PHLPP1: variants seen among roughly 807,000 people sequenced by gnomAD.
PHLPP1 encodes the protein PH domain and leucine rich repeat protein phosphatase 1, also known as PH domain leucine-rich repeat-containing protein phosphatase 1.
PHLPP1 carries 42 observed loss-of-function variants against 117.2 expected under a neutral mutation model. The ratio of observed to expected loss-of-function variants is 0.36; its 90% CI spans 0.28 to 0.46. The LOEUF is 0.46. Ranked by LOEUF, PHLPP1 falls within the 20% of genes least tolerant of loss-of-function variation. The probability of loss-of-function intolerance (pLI) is 1.00; values close to 1 mark genes in which losing one functional copy is unlikely to be tolerated. For missense variants in PHLPP1, 2,084 were observed against 2,241.9 expected (o/e 0.93, Z 1.42); for synonymous variants, 1,042 against 970.7 (o/e 1.07, Z -1.37).
intron 3 of PHLPP1, among the ~76,000 whole-genome samples, chr18:62,848,304 C>G (rs559144545): frequency 3.0e-4 from 45 of 152,118 alleles, no homozygotes; most frequent in African/African-American, 1.0e-3. Context: ...TTTACTGTAT[C>G]AAATTGATGC....
intron 1 of PHLPP1, among the ~76,000 whole-genome samples, chr18:62,779,224 G>A (rs942366261): frequency 2.0e-5 from 3 of 151,892 alleles, no homozygotes; most frequent in Non-Finnish European, 4.4e-5. Flanking sequence ...TTGTGGTCCC[G>A]TCTGTTGGTA....
At chr18:62,785,537 A>G (rs1282687933) in intron 1 of PHLPP1, among the ~76,000 whole-genome samples, 1 of 152,208 alleles carries the variant, frequency 6.6e-6, no homozygotes, top group Admixed American at 6.5e-5. Flanking sequence ...TAGATTAGTA[A>G]CATCCTTCTG....
chr18:62,900,174 G>A (rs1355030336), intron 6 of PHLPP1, among the ~76,000 whole-genome samples: 1 of 152,008 alleles, frequency 6.6e-6, no homozygotes, highest in Non-Finnish European at 1.5e-5. Flanking sequence ...GCATGTTCCT[G>A]TAGTCCCAAC....
chr18:62,757,059 G>C (rs74646188), intron 1 of PHLPP1, among the ~76,000 whole-genome samples: 330 of 152,270 alleles, frequency 2.2e-3, no homozygotes, highest in African/African-American at 7.4e-3. Flanking sequence ...TGGACAAGGG[G>C]TATCCTTAAC....
intron 1 of PHLPP1, among the ~76,000 whole-genome samples, chr18:62,772,469 G>A (rs929819485): frequency 1.3e-5 from 2 of 151,986 alleles, no homozygotes; most frequent in Non-Finnish European, 2.9e-5. Flanking sequence ...ACATATCTTG[G>A]GTTGATGAAA....
At chr18:62,835,705 T>G (rs1366920748) in intron 2 of PHLPP1, among the ~76,000 whole-genome samples, 1 of 151,996 alleles carries the variant, frequency 6.6e-6, no homozygotes, top group Non-Finnish European at 1.5e-5. Flanking sequence ...AATCCGTTAA[T>G]GTGATTAATG....
chr18:62,830,289 C>G, intron 2 of PHLPP1, 58 bp downstream of exon 2: 1 of 1,428,596 alleles, frequency 7.0e-7, no homozygotes, highest in Middle Eastern at 2.0e-4. Flanking sequence ...CACCCAGGCT[C>G]AAGTGTAGTG....
At chr18:62,894,630 C>T (rs1184674736) in intron 4 of PHLPP1, among the ~76,000 whole-genome samples, 1 of 152,210 alleles carries the variant, frequency 6.6e-6, no homozygotes, top group Non-Finnish European at 1.5e-5. Flanking sequence ...TCTGAAACAG[C>T]ACCGACTCCA....
At chr18:62,888,684 T>C (rs1916344540) in intron 4 of PHLPP1, among the ~76,000 whole-genome samples, 1 of 152,156 alleles carries the variant, frequency 6.6e-6, no homozygotes, top group Non-Finnish European at 1.5e-5. Context: ...GCAGACACAG[T>C]GGACCCTGTC....
chr18:62,807,823 G>A (rs1913993458), intron 1 of PHLPP1, among the ~76,000 whole-genome samples: 1 of 152,148 alleles, frequency 6.6e-6, no homozygotes, highest in Non-Finnish European at 1.5e-5. Context: ...TACTTACTGT[G>A]AGTGGAGTTT....
intron 1 of PHLPP1, among the ~76,000 whole-genome samples, chr18:62,801,451 A>G (rs1483026515): frequency 4.0e-5 from 6 of 151,400 alleles, no homozygotes; most frequent in Non-Finnish European, 8.8e-5. Context: ...TCAAGCAGAA[A>G]TTGTTAGTTA....
At chr18:62,826,134 A>C (rs2144327498) in intron 1 of PHLPP1, 1 of 256,350 alleles carries the variant, frequency 3.9e-6, no homozygotes, top group South Asian at 4.1e-5. Flanking sequence ...GACAAATCTG[A>C]TGTCTGTGCA....
chr18:62,928,064 G>GT (rs1336138410), intron 10 of PHLPP1, among the ~76,000 whole-genome samples: 111 of 152,220 alleles, frequency 7.3e-4, no homozygotes, highest in African/African-American at 2.6e-3. Flanking sequence ...ACGGAGTAAT[G>GT]TTTTTTAAAA....
chr18:62,762,677 G>A (rs1912291465), intron 1 of PHLPP1, among the ~76,000 whole-genome samples: 1 of 151,774 alleles, frequency 6.6e-6, no homozygotes, highest in Non-Finnish European at 1.5e-5. Flanking sequence ...GCCTCCCAAA[G>A]TACTGGGATT....
intron 1 of PHLPP1, among the ~76,000 whole-genome samples, chr18:62,796,926 A>G (rs1348476979): frequency 6.6e-6 from 1 of 152,230 alleles, no homozygotes; most frequent in Non-Finnish European, 1.5e-5. Context: ...TTTTGGGAAG[A>G]GAAATTCTAT....
chr18:62,756,967 G>C (rs1056156903), intron 1 of PHLPP1, among the ~76,000 whole-genome samples: 1 of 152,174 alleles, frequency 6.6e-6, no homozygotes, highest in Non-Finnish European at 1.5e-5. Flanking sequence ...ATGTACATAC[G>C]ATTGAGACTT....
At chr18:62,808,221 A>G (rs566334436) in intron 1 of PHLPP1, among the ~76,000 whole-genome samples, 1 of 152,326 alleles carries the variant, frequency 6.6e-6, no homozygotes, top group South Asian at 2.1e-4. Flanking sequence ...ATCTTAGATA[A>G]GTAGGAGGAG....
At chr18:62,741,235 C>T (rs1179339705) in intron 1 of PHLPP1, among the ~76,000 whole-genome samples, 2 of 152,260 alleles carry the variant, frequency 1.3e-5, no homozygotes, top group Admixed American at 6.5e-5. Flanking sequence ...CTGTAGAGTT[C>T]GGTTGTTTTT....
intron 10 of PHLPP1, among the ~76,000 whole-genome samples, chr18:62,935,003 T>C (rs1909928453): frequency 6.6e-6 from 1 of 152,206 alleles, no homozygotes; most frequent in Admixed American, 6.5e-5. Context: ...TTCACTCTTA[T>C]TCAATATTAT....
Sources: allele counts gnomAD v4.1 joint callset (sites outside exome capture counted in the v4.1 genomes callset), GRCh38; gene constraint gnomAD v4.1.1; transcripts MANE v1.5; gene names NCBI Gene and HGNC (gene_info 2026-07-23, HGNC 2026-07-21).